BCAT2: variants seen among roughly 807,000 people sequenced by gnomAD.
BCAT2 encodes the protein branched chain amino acid transaminase 2.
BCAT2 carries 44 observed loss-of-function variants against 52.9 expected under a neutral mutation model. The observed-to-expected ratio is 0.83, with a 90% confidence interval of 0.65 to 1.07. BCAT2 has a LOEUF of 1.07. BCAT2 is among the 50% of genes least tolerant of loss of function. The probability of loss-of-function intolerance (pLI) is 0.00; values close to 1 mark genes in which losing one functional copy is unlikely to be tolerated. For missense variants in BCAT2, 478 were observed against 521.8 expected (o/e 0.92, Z 0.82); for synonymous variants, 215 against 217.1 (o/e 0.99, Z 0.08).
chr19:48,798,200 T>G (rs1379443182), intron 6 of BCAT2, among the ~76,000 whole-genome samples: 2 of 152,192 alleles, frequency 1.3e-5, no homozygotes, highest in African/African-American at 4.8e-5. Context: ...CTACCGCGCC[T>G]GGCTCCAAAA....
rs376743385 is a variant in BCAT2, at chr19:48,800,109, G to A, written c.412-9C>T. The A allele has an allele frequency of 1.9e-6, 3 of 1,613,838 alleles. No homozygotes were observed. The highest frequency in any genetic ancestry group is 2.5e-6 in the Non-Finnish European group (3 of 1,179,814). ...TCCAGCTTGTCGAAACTCTGGGTGG[G>A]ATTCTGAATGAGTCAAGGGGCCCTT... On this transcript the variant is annotated splice_polypyrimidine_tract_variant and intron_variant, in intron 4 of 10. Transcript: ENST00000316273.
chr19:48,807,177 G>T lies in BCAT2; in HGVS notation c.25-103C>A. ...ACTTGGAGGTCCCACTGGCCTGCCT[G>T]TTCTGTCCCAGTTTCAGTCCATTCT... On this transcript the variant is annotated intron_variant, in intron 1 of 10. Coordinates refer to ENST00000316273, the MANE Select transcript of BCAT2 (RefSeq NM_001190.4). The surrounding 1 kb of genome is among the most constrained non-coding windows in gnomAD (Gnocchi z 4.6). 1.0e-6 allele frequency: 1 copy of T among 972,964 alleles called. No homozygotes were observed. Among genetic ancestry groups the T allele is most frequent in the Non-Finnish European group, 1.5e-6 (1 of 648,402 alleles). The allele number at this position is 972,964 out of a possible 1,614,324, so 60.3% of individuals were successfully genotyped here. A position where few individuals can be genotyped will look rare whatever the true frequency, so the allele number is the denominator to read the frequency against.
chr19:48,796,948 C>T lies in BCAT2; in HGVS notation c.913G>A (p.Ala305Thr), dbSNP rs759605570. The T allele has an allele frequency of 2.4e-5, 38 of 1,614,038 alleles. No individual in the cohort carries two copies. Among genetic ancestry groups the T allele is most frequent in the Non-Finnish European group, 9.3e-6 (11 of 1,180,014 alleles). Residue 305 changes from alanine (A) to threonine (T), a missense_variant, in exon 8 of 11, where the codon GCT (alanine) becomes ACT (threonine). Coordinates refer to ENST00000316273, the MANE Select transcript of BCAT2 (RefSeq NM_001190.4). Reference sequence around the variant, plus strand: ...TGCCATGTCCTCACCCAGGTCTGAGCCATGTCCAGTAGACTCTGTCTGACC... The same window carrying T: ...TGCCATGTCCTCACCCAGGTCTGAGTCATGTCCAGTAGACTCTGTCTGACC... Reference protein sequence around the residue: ...GVVRQSLLDMAQTWGEFRVVE... With the variant: ...GVVRQSLLDMTQTWGEFRVVE...
intron 3 of BCAT2, among the ~76,000 whole-genome samples, chr19:48,805,522 C>T (rs753395687): frequency 3.9e-5 from 6 of 152,138 alleles, no homozygotes; most frequent in Admixed American, 3.9e-4. Context: ...CATGCTCCAA[C>T]ACCGCAATTT....
rs2034550857 is a variant in BCAT2 at position 48,797,376 on chromosome 19, TCCTTC to T, written c.696-48_696-44del. The T allele has an allele frequency of 2.5e-6, 4 of 1,609,194 alleles. No homozygotes were observed. In the African/African-American group the frequency reaches 5.3e-5, roughly 21 times the overall value. On this transcript the variant is annotated intron_variant, in intron 6 of 10. Coordinates refer to ENST00000316273, the MANE Select transcript of BCAT2 (RefSeq NM_001190.4). ...GGTTGGGTGGGGCAAGGGAGCCCCATCCTTCCCCAGCCCAGCCCCAGAGGAGGCTC... is the reference window on the plus strand; with the variant it reads ...GGTTGGGTGGGGCAAGGGAGCCCCATCCCAGCCCAGCCCCAGAGGAGGCTC...
intron 2 of BCAT2, 97 bp from the exon 3 acceptor site, chr19:48,806,814 G>A (rs2034794812): frequency 6.8e-7 from 1 of 1,478,552 alleles, no homozygotes. Context: ...CCATAGAGAA[G>A]AAGGACCTGT....
Position 48,797,305 on chromosome 19 carries a change from G to A in BCAT2, c.724C>T (p.Gln242Ter). The A allele has an allele frequency of 5.0e-6, 8 of 1,614,156 alleles. No individual in the cohort carries two copies. The highest frequency in any genetic ancestry group is 6.8e-6 in the Non-Finnish European group (8 of 1,180,024). Residue 242 changes from glutamine (Q) to a stop codon, truncating the protein, a stop_gained, in exon 7 of 11, where the codon CAG (glutamine) becomes TAG (stop). Transcript: ENST00000316273. LOFTEE classifies it high-confidence loss of function. ...GNYGPTVLVQ[Q>*]EALKRGCEQV... Reference sequence around the variant, plus strand: ...TCACAGCCCCGCTTGAGTGCCTCCTGTTGCACTAACACGGTGGGCCCATAA... The same window carrying A: ...TCACAGCCCCGCTTGAGTGCCTCCTATTGCACTAACACGGTGGGCCCATAA...
chr19:48,808,410 AAAAC>A, intron 1 of BCAT2: 2 of 345,658 alleles, frequency 5.8e-6, no homozygotes, highest in Non-Finnish European at 4.1e-6. Context: ...GAAAAAAAAA[AAAAC>A]AAAAACAGAA....
intron 3 of BCAT2, among the ~76,000 whole-genome samples, chr19:48,804,471 G>A (rs2034720795): frequency 6.6e-6 from 1 of 152,184 alleles, no homozygotes; most frequent in African/African-American, 2.4e-5. Context: ...TTGAACCCGG[G>A]AGGCGGAGGT....
chr19:48,796,915 C>T (rs748846460), intron 8 of BCAT2, 22 bp downstream of exon 8: 119 of 1,613,182 alleles, frequency 7.4e-5, no homozygotes, highest in Non-Finnish European at 9.8e-5. Context: ...GCGCCCATCA[C>T]CAGAAGATGC....
In BCAT2 at chr19:48,807,901, G is replaced by A; in HGVS notation, c.25-827C>T. 1.0e-6 allele frequency: 1 copy of A among 985,760 alleles called. No individual in the cohort carries two copies. The highest frequency in any genetic ancestry group is 1.2e-6 in the Non-Finnish European group (1 of 830,154). 61.1% of individuals were successfully genotyped at this position (985,760 alleles called of 1,614,324 possible). A position where few individuals can be genotyped will look rare whatever the true frequency, so the allele number is the denominator to read the frequency against. On this transcript the variant is annotated intron_variant, in intron 1 of 10. Coordinates refer to ENST00000316273, the MANE Select transcript of BCAT2 (RefSeq NM_001190.4). The surrounding 1 kb of genome is among the most constrained non-coding windows in gnomAD (Gnocchi z 4.6). ...TCCCAGAGGGGAGTAGGAAGAGCAG[G>A]TCTGGCTGTGTCCAGCAGGCTGGGC...
At position 48,807,285 on chromosome 19, in the gene BCAT2, CG is replaced by C; in HGVS notation, c.25-212del. The C allele has an allele frequency of 2.0e-6, 1 of 496,026 alleles. No individual in the cohort carries two copies. The highest frequency in any genetic ancestry group is 2.4e-5 in the South Asian group (1 of 41,590). 30.7% of individuals were successfully genotyped at this position (496,026 alleles called of 1,614,324 possible). On this transcript the variant is annotated intron_variant, in intron 1 of 10. Transcript: ENST00000316273. This position sits in a 1 kb window ranked among gnomAD's most constrained non-coding sequence, Gnocchi z 4.6. ...CGCTGGAAAGAGCTGAGTCAGCTCC[CG>C]CCCCCTCCTCCATGCTGCGGCAAAG...
At chr19:48,797,064 C>G (rs768399968) in intron 7 of BCAT2, 42 bp from the exon 8 acceptor site, 8 of 1,612,584 alleles carry the variant, frequency 5.0e-6, no homozygotes, top group Middle Eastern at 1.7e-4. Context: ...CCTCTCACCC[C>G]CTAGCACCGC....
intron 1 of BCAT2, 142 bp downstream of exon 1, chr19:48,810,842 G>C: frequency 9.4e-6 from 14 of 1,494,714 alleles, no homozygotes; most frequent in Non-Finnish European, 1.2e-5. Flanking sequence ...TCCAAAGGGC[G>C]CCATCCTCCT....
chr19:48,796,921 GATGCC>G lies in BCAT2; in HGVS notation c.924+11_924+15del. ...TGGCACATGGCGCCCATCACCAGAA[GATGCC>G]ATGTCCTCACCCAGGTCTGAGCCAT... is the stretch of plus-strand genomic sequence containing the variant. On this transcript the variant is annotated intron_variant, in intron 8 of 10. Coordinates refer to ENST00000316273, the MANE Select transcript of BCAT2 (RefSeq NM_001190.4). 6.2e-7 allele frequency: 1 copy of G among 1,613,814 alleles called. No homozygotes were observed. Among genetic ancestry groups the G allele is most frequent in the Non-Finnish European group, 8.5e-7 (1 of 1,179,692 alleles).
rs562273218 is a variant in BCAT2 at position 48,798,179 on chromosome 19, A to G, written c.696-846T>C. Among the ~76,000 whole-genome samples the G allele has an allele frequency of 5.7e-4, 87 of 152,228 alleles. 1 individual carries two copies. Among genetic ancestry groups the G allele is most frequent in the African/African-American group, 2.0e-3 (83 of 41,560 alleles). ...CTCGGCCTCCCAAAGTGCTGGGATTACAAGCGTGAGCTACCGCGCCTGGCT... is the reference window on the plus strand; with the variant it reads ...CTCGGCCTCCCAAAGTGCTGGGATTGCAAGCGTGAGCTACCGCGCCTGGCT... On this transcript the variant is annotated intron_variant, in intron 6 of 10. Transcript: ENST00000316273.
Position 48,799,916 on chromosome 19 carries a change from C to T in BCAT2, c.531+65G>A, listed in dbSNP as rs2034616996. 1 of 1,603,028 alleles carries T rather than the reference C, an allele frequency of 6.2e-7. No individual in the cohort carries two copies. The highest frequency in any genetic ancestry group is 8.5e-7 in the Non-Finnish European group (1 of 1,174,818). On this transcript the variant is annotated intron_variant, in intron 5 of 10. Transcript: ENST00000316273. The surrounding 1 kb of genome is among the most constrained non-coding windows in gnomAD (Gnocchi z 5.5). ...GTCCCCAGGCCCAGGCCTCCAGGAC[C>T]CCACCCCTGCCCTGCAGAATCCAAC...
chr19:48,804,058 A>G (rs56380066), intron 3 of BCAT2, among the ~76,000 whole-genome samples: 21,661 of 152,144 alleles, frequency 0.14, 2,059 homozygotes, highest in Non-Finnish European at 0.21. Context: ...CAGGAGGCTG[A>G]GGCAGGAGAA....
intron 1 of BCAT2, 113 bp downstream of exon 1, chr19:48,810,871 C>T: frequency 2.6e-6 from 4 of 1,539,088 alleles, no homozygotes; most frequent in East Asian, 5.1e-5. Context: ...TGCAGCGGAA[C>T]CCCAGGGCGG....
Sources: allele counts gnomAD v4.1 joint callset (sites outside exome capture counted in the v4.1 genomes callset), GRCh38; gene constraint gnomAD v4.1.1; non-coding constraint Gnocchi (gnomAD v3.1); transcripts MANE v1.5; gene names NCBI Gene and HGNC (gene_info 2026-07-23, HGNC 2026-07-21).